Variants in SOX5 observed in about 807,000 individuals in gnomAD.
SOX5 encodes SRY-box transcription factor 5.
SOX5 carries 9 observed loss-of-function variants against 92.0 expected under a neutral mutation model. The ratio of observed to expected loss-of-function variants is 0.10; its 90% CI spans 0.06 to 0.17. The LOEUF (loss-of-function observed/expected upper bound fraction) is 0.17, where lower values mean the gene tolerates loss of function less well. Ranked by LOEUF, SOX5 falls within the 10% of genes least tolerant of loss-of-function variation. The pLI is 1.00. For missense variants in SOX5, 642 were observed against 944.5 expected (o/e 0.68, Z 4.20); for synonymous variants, 344 against 336.3 (o/e 1.02, Z -0.25).
intron 4 of SOX5, among the ~76,000 whole-genome samples, chr12:23,970,202 G>A (rs575916844): frequency 4.1e-4 from 61 of 150,306 alleles, no homozygotes; most frequent in Admixed American, 9.9e-4. Flanking sequence ...CTTCACAAAG[G>A]AGCACCTCAA....
At chr12:23,556,362 T>C (rs1945175675) in intron 11 of SOX5, among the ~76,000 whole-genome samples, 1 of 152,186 alleles carries the variant, frequency 6.6e-6, no homozygotes, top group Non-Finnish European at 1.5e-5. Context: ...TATCTTTTAA[T>C]TAAAGTCACC....
chr12:23,640,886 G>C lies in SOX5; in HGVS notation c.943C>G (p.Pro315Ala). The part of the protein sequence containing the change: ...SYKAGCSDPY[P>A]VQLIPTTMAA... ...ATGGTAGTTGGGATCAGCTGAACAG[G>C]GTAAGGGTCACCTAAGTAAGAGAAT... The change falls in exon 8 of 15, where the codon CCT becomes GCT. Residue 315 changes from proline (P) to alanine (A), a missense_variant. Pro to Ala is a conservative substitution (Grantham distance 27). Coordinates refer to ENST00000451604, the MANE Select transcript of SOX5 (RefSeq NM_006940.6). 6.2e-7 allele frequency: 1 copy of C among 1,612,804 alleles called. No individual in the cohort carries two copies. Among genetic ancestry groups the C allele is most frequent in the Admixed American group, 1.7e-5 (1 of 59,884 alleles).
chr12:24,327,708 G>A (rs368778953), intron 2 of SOX5, among the ~76,000 whole-genome samples: 43 of 151,764 alleles, frequency 2.8e-4, no homozygotes, highest in Admixed American at 2.1e-3. Flanking sequence ...CTCAGCCTCC[G>A]GAGTAGCTGG....
chr12:24,200,200 T>C (rs534727474), intron 4 of SOX5, among the ~76,000 whole-genome samples: 6 of 152,330 alleles, frequency 3.9e-5, no homozygotes, highest in African/African-American at 1.4e-4. Flanking sequence ...CTGGGTACTT[T>C]TTCTGGCTCT....
At chr12:24,186,439 G>T (rs139166714) in intron 4 of SOX5, among the ~76,000 whole-genome samples, 1 of 152,150 alleles carries the variant, frequency 6.6e-6, no homozygotes, top group East Asian at 1.9e-4. Flanking sequence ...GGATTTGATA[G>T]TTCACTCAAC....
At chr12:24,021,132 A>G (rs374420599) in intron 4 of SOX5, among the ~76,000 whole-genome samples, 2 of 152,206 alleles carry the variant, frequency 1.3e-5, no homozygotes, top group South Asian at 4.1e-4. Context: ...AGAGATGACA[A>G]TAATAACTTC....
intron 11 of SOX5, among the ~76,000 whole-genome samples, chr12:23,557,003 G>A (rs1178465740): frequency 6.6e-6 from 1 of 152,166 alleles, no homozygotes; most frequent in East Asian, 1.9e-4. Context: ...ACTAATGCTG[G>A]GAATGACACA....
intron 3 of SOX5, among the ~76,000 whole-genome samples, chr12:23,838,297 T>C (rs933328584): frequency 1.8e-4 from 27 of 150,876 alleles, no homozygotes; most frequent in African/African-American, 6.1e-4. Flanking sequence ...GTTACTGTTT[T>C]TTTTGGTGAT....
intron 6 of SOX5, among the ~76,000 whole-genome samples, chr12:23,687,594 G>T (rs955842365): frequency 3.3e-5 from 5 of 151,948 alleles, no homozygotes; most frequent in African/African-American, 1.2e-4. Flanking sequence ...TTCAGAATCT[G>T]GTTTTCAACA....
At chr12:24,281,822 A>G (rs1945238088) in intron 2 of SOX5, among the ~76,000 whole-genome samples, 2 of 152,218 alleles carry the variant, frequency 1.3e-5, no homozygotes, top group African/African-American at 2.4e-5. Context: ...TGAAAAGGCT[A>G]AAGTACTCTT....
intron 1 of SOX5, among the ~76,000 whole-genome samples, chr12:24,411,979 CTATT>C (rs1566100717): frequency 1.3e-5 from 2 of 152,108 alleles, no homozygotes; most frequent in Middle Eastern, 3.4e-3. Context: ...TTAAAATTAT[CTATT>C]TAATTATGGG....
At chr12:24,474,755 C>T (rs917096264) in intron 1 of SOX5, among the ~76,000 whole-genome samples, 1 of 151,654 alleles carries the variant, frequency 6.6e-6, no homozygotes, top group Non-Finnish European at 1.5e-5. Context: ...ATGCTGGTCT[C>T]GAACTCCTGA....
intron 2 of SOX5, among the ~76,000 whole-genome samples, chr12:24,290,074 T>C (rs1000023348): frequency 2.0e-5 from 3 of 152,200 alleles, no homozygotes; most frequent in African/African-American, 7.2e-5. Flanking sequence ...AAAAGTCTAG[T>C]GTCTTCTGCC....
chr12:23,782,421 C>G (rs1026907901), intron 3 of SOX5, among the ~76,000 whole-genome samples: 1 of 152,050 alleles, frequency 6.6e-6, no homozygotes, highest in African/African-American at 2.4e-5. Flanking sequence ...CTGTGGAAAC[C>G]TTAAGAATTT....
chr12:24,379,069 A>G (rs1957563983), intron 1 of SOX5, among the ~76,000 whole-genome samples: 1 of 152,218 alleles, frequency 6.6e-6, no homozygotes, highest in Non-Finnish European at 1.5e-5. Flanking sequence ...TCCACAATCA[A>G]AAGTTTAAAT....
At chr12:24,373,152 C>CAGTGCAAAGTTGTTTTG (rs1261988594) in intron 1 of SOX5, among the ~76,000 whole-genome samples, 4 of 151,830 alleles carry the variant, frequency 2.6e-5, no homozygotes, top group Non-Finnish European at 5.9e-5. Context: ...TGGAAAACAA[C>CAGTGCAAAGTTGTTTTG]CATATGTTCA....
chr12:24,451,680 T>C (rs997539964), intron 1 of SOX5, among the ~76,000 whole-genome samples: 5 of 152,196 alleles, frequency 3.3e-5, no homozygotes, highest in Admixed American at 1.3e-4. Context: ...TGCAGGTCTG[T>C]AGACTTTCAT....
chr12:24,148,802 A>T lies in SOX5; in HGVS notation c.-2+64541T>A, dbSNP rs556929470. Among the ~76,000 whole-genome samples, 73 of 151,850 alleles carry T rather than the reference A, an allele frequency of 4.8e-4. 1 individual carries two copies. In the South Asian group the frequency reaches 0.015, roughly 31 times the overall value. ...CTACTTGGAAGGCTGAGGCAGGAGG[A>T]TCTCTTCAGCCCAGGAGTTTGAGTT... On this transcript the variant is annotated intron_variant, in intron 4 of 4. Transcript: ENST00000446891.
At chr12:24,514,411 C>T (rs780649270) in intron 1 of SOX5, among the ~76,000 whole-genome samples, 1 of 152,142 alleles carries the variant, frequency 6.6e-6, no homozygotes, top group Non-Finnish European at 1.5e-5. Context: ...TTAACACCGA[C>T]CCACTAATCA....
Sources: allele counts gnomAD v4.1 joint callset (sites outside exome capture counted in the v4.1 genomes callset), GRCh38; gene constraint gnomAD v4.1.1; transcripts MANE v1.5; gene names NCBI Gene and HGNC (gene_info 2026-07-23, HGNC 2026-07-21).